The following MALRD1 variants were observed in gnomAD, a reference collection of about 807,000 sequenced individuals.
MALRD1 encodes the protein MAM and LDL-receptor class A domain-containing protein 1.
In MALRD1, 247 loss-of-function variants were observed where a neutral mutation model predicts 242.1. That is an observed-to-expected ratio of 1.02 (90% confidence interval 0.92 to 1.13). The LOEUF is 1.13. MALRD1 is among the 50% of genes most tolerant of loss of function. MALRD1 has a pLI of 0.00. For missense variants in MALRD1, 2,989 were observed against 2,533.1 expected (o/e 1.18, Z -3.86); for synonymous variants, 995 against 866.6 (o/e 1.15, Z -2.60).
chr10:19,691,522 T>G (rs1240530765), intron 36 of MALRD1, among the ~76,000 whole-genome samples: 1 of 152,116 alleles, frequency 6.6e-6, no homozygotes, highest in Non-Finnish European at 1.5e-5. Context: ...ACCAAACCCT[T>G]CGTAATTTGT....
chr10:19,058,555 A>T (rs983539417), intron 1 of MALRD1, among the ~76,000 whole-genome samples: 1 of 152,206 alleles, frequency 6.6e-6, no homozygotes, highest in African/African-American at 2.4e-5. Flanking sequence ...TTTAAAAGTC[A>T]GTAAATTAGA....
intron 10 of MALRD1, among the ~76,000 whole-genome samples, chr10:19,145,501 C>A (rs1276175110): frequency 6.6e-6 from 1 of 151,874 alleles, no homozygotes; most frequent in African/African-American, 2.4e-5. Flanking sequence ...AAAAAAATAT[C>A]CGAGCATCGT....
chr10:19,334,447 G>A (rs537656786), intron 24 of MALRD1, among the ~76,000 whole-genome samples: 1 of 150,776 alleles, frequency 6.6e-6, no homozygotes, highest in Admixed American at 6.6e-5. Context: ...ACCAAGAGAT[G>A]ACAAGTGTTT....
chr10:19,350,113 G>T (rs887557165), intron 25 of MALRD1, among the ~76,000 whole-genome samples: 1 of 151,958 alleles, frequency 6.6e-6, no homozygotes, highest in African/African-American at 2.4e-5. Flanking sequence ...TGACCTCCCA[G>T]ATTTTTATGA....
At chr10:19,233,851 T>G (rs1838187385) in intron 18 of MALRD1, among the ~76,000 whole-genome samples, 1 of 151,888 alleles carries the variant, frequency 6.6e-6, no homozygotes, top group Non-Finnish European at 1.5e-5. Context: ...TTGGTTTCTT[T>G]TTTTTTAATG....
chr10:19,366,303 A>T (rs1171626015), intron 26 of MALRD1, among the ~76,000 whole-genome samples: 37 of 151,852 alleles, frequency 2.4e-4, no homozygotes, highest in Admixed American at 2.4e-3. Flanking sequence ...CACAACCTAG[A>T]TCCCTTGCAT....
At chr10:19,238,520 ATATATAATATACATT>A (rs1838571497) in intron 18 of MALRD1, among the ~76,000 whole-genome samples, 1 of 85,084 alleles carries the variant, frequency 1.2e-5, no homozygotes, top group African/African-American at 5.7e-5. Flanking sequence ...AATGTATATT[ATATATAATATACATT>A]ATATATAATA....
rs1044653367 is a variant in MALRD1, at chr10:19,734,164, T to A, written c.6398T>A (p.Val2133Asp). The change falls in exon 40 of 40, where the codon GTC (valine) becomes GAC (aspartate). Residue 2133 changes from valine to aspartate, a missense_variant. Physicochemically the swap from Val to Asp is radical, Grantham distance 152 (BLOSUM62 -3). Transcript: ENST00000454679. Reference protein sequence around the residue: ...WSNPEKTESSVYSFSNPLYGT... With the variant: ...WSNPEKTESSDYSFSNPLYGT... ...TGTGTTTTTCTTCGTCAGAGTTCTG[T>A]CTATTCCTTCTCAAACCCATTATAT... is the stretch of plus-strand genomic sequence containing the variant. 2.0e-6 allele frequency: 3 copies of A among 1,534,886 alleles called. No homozygotes were observed. The highest frequency in any genetic ancestry group is 2.6e-6 in the Non-Finnish European group (3 of 1,146,362).
chr10:19,400,285 A>G (rs908209638), intron 28 of MALRD1, among the ~76,000 whole-genome samples: 1 of 152,154 alleles, frequency 6.6e-6, no homozygotes, highest in Non-Finnish European at 1.5e-5. Context: ...CTGAAAAGGT[A>G]GTTTATAACT....
chr10:19,560,211 A>C (rs1409586270), intron 32 of MALRD1, among the ~76,000 whole-genome samples: 1 of 152,138 alleles, frequency 6.6e-6, no homozygotes, highest in Non-Finnish European at 1.5e-5. Context: ...GCTCACGCCT[A>C]TAATCCCAGC....
intron 18 of MALRD1, among the ~76,000 whole-genome samples, chr10:19,215,691 A>G (rs1837279194): frequency 6.6e-6 from 1 of 151,946 alleles, no homozygotes. Flanking sequence ...ACTGTCTCAA[A>G]CTAGATCCTG....
intron 36 of MALRD1, among the ~76,000 whole-genome samples, chr10:19,663,152 A>G (rs1841523376): frequency 6.6e-6 from 1 of 151,916 alleles, no homozygotes; most frequent in Admixed American, 6.6e-5. Context: ...CCAATTGGTA[A>G]TTTTCCATCC....
In MALRD1 at chr10:19,638,306, G is replaced by A. The variant is rs1840237332; in HGVS notation, c.6137+22383G>A. Among the ~76,000 whole-genome samples, 6 of 151,950 alleles carry A rather than the reference G, an allele frequency of 3.9e-5. No individual in the cohort carries two copies. In the South Asian group the frequency reaches 1.0e-3, roughly 26 times the overall value. ...ATATAAACATGTCAAGTATGTTACA[G>A]ACACAGGGAAAACAAAAGGAGGTGG... On this transcript the variant is annotated intron_variant, in intron 36 of 39. Coordinates refer to ENST00000454679, the MANE Select transcript of MALRD1 (RefSeq NM_001142308.3).
chr10:19,504,935 G>A (rs1319445832), intron 31 of MALRD1, among the ~76,000 whole-genome samples: 1 of 151,942 alleles, frequency 6.6e-6, no homozygotes, highest in African/African-American at 2.4e-5. Flanking sequence ...ACCCGCCTCG[G>A]CCTCCCAAAG....
intron 36 of MALRD1, among the ~76,000 whole-genome samples, chr10:19,641,692 A>G (rs1840391623): frequency 6.6e-6 from 1 of 152,160 alleles, no homozygotes; most frequent in Non-Finnish European, 1.5e-5. Flanking sequence ...TATGTTTCTC[A>G]ATTTATAATA....
At chr10:19,243,209 C>CA (rs929497343) in intron 18 of MALRD1, among the ~76,000 whole-genome samples, 6 of 151,410 alleles carry the variant, frequency 4.0e-5, no homozygotes, top group African/African-American at 1.5e-4. Flanking sequence ...GACTTCTCCC[C>CA]CGCCACACAC....
rs1564464330 is a variant in MALRD1 at position 19,203,899 on chromosome 10, C to T, written c.2104+19C>T. 1.3e-6 allele frequency: 2 copies of T among 1,550,354 alleles called. No homozygotes were observed. Among genetic ancestry groups the T allele is most frequent in the Non-Finnish European group, 1.7e-6 (2 of 1,146,810 alleles). Reference sequence around the variant, plus strand: ...TCTCAAGGTAAGAAGCAAACAGGGACTCTACAACCACTGCTATTTACTGTT... The same window carrying T: ...TCTCAAGGTAAGAAGCAAACAGGGATTCTACAACCACTGCTATTTACTGTT... On this transcript the variant is annotated intron_variant, in intron 15 of 39. Coordinates refer to ENST00000454679, the MANE Select transcript of MALRD1 (RefSeq NM_001142308.3).
chr10:19,393,752 G>A (rs774755776), intron 28 of MALRD1, among the ~76,000 whole-genome samples: 6 of 152,002 alleles, frequency 3.9e-5, no homozygotes, highest in South Asian at 2.1e-4. Flanking sequence ...ACCGCGCCCG[G>A]CCCTGATGGG....
At chr10:19,646,402 A>G (rs545470687) in intron 36 of MALRD1, among the ~76,000 whole-genome samples, 4 of 152,150 alleles carry the variant, frequency 2.6e-5, no homozygotes, top group Non-Finnish European at 4.4e-5. Flanking sequence ...CCAGGAATTC[A>G]AGACCAGCCT....
Sources: allele counts gnomAD v4.1 joint callset (sites outside exome capture counted in the v4.1 genomes callset), GRCh38; gene constraint gnomAD v4.1.1; transcripts MANE v1.5; gene names NCBI Gene and HGNC (gene_info 2026-07-23, HGNC 2026-07-21).